The following PPP6R2 variants were observed in gnomAD, a reference collection of about 807,000 sequenced individuals.
The protein encoded by PPP6R2 is protein phosphatase 6 regulatory subunit 2.
Under a neutral mutation model 100.2 loss-of-function variants are expected in PPP6R2, and 62 were observed. The observed-to-expected ratio is 0.62, with a 90% confidence interval of 0.50 to 0.76. The LOEUF is 0.76. Ranked by LOEUF, PPP6R2 falls within the 30% of genes least tolerant of loss-of-function variation. The pLI, the probability that PPP6R2 is intolerant of heterozygous loss-of-function variation, is 0.00. For missense variants in PPP6R2, 1,142 were observed against 1,276.3 expected (o/e 0.89, Z 1.60); for synonymous variants, 525 against 514.7 (o/e 1.02, Z -0.27).
intron 22 of PPP6R2, 91 bp downstream of exon 22, chr22:50,441,117 G>C: frequency 2.6e-6 from 3 of 1,144,880 alleles, no homozygotes; most frequent in Non-Finnish European, 3.6e-6. Context: ...CTGAGAGGAG[G>C]TGAGGCCAGG....
intron 1 of PPP6R2, among the ~76,000 whole-genome samples, chr22:50,346,544 C>T (rs572733052): frequency 7.2e-4 from 96 of 132,566 alleles, no homozygotes; most frequent in Middle Eastern, 7.7e-3. Flanking sequence ...TGTTCCCCCA[C>T]CCTACACCAG....
At chr22:50,422,491 T>C (rs760353804) in intron 9 of PPP6R2, 111 bp downstream of exon 9, 113 of 1,446,254 alleles carry the variant, frequency 7.8e-5, no homozygotes, top group Middle Eastern at 2.4e-4. Context: ...GTGGAGTGAA[T>C]GTGTTCTAAG....
At chr22:50,373,240 CT>C (rs530254249) in intron 2 of PPP6R2, among the ~76,000 whole-genome samples, 2,534 of 126,426 alleles carry the variant, frequency 0.02, 20 homozygotes, top group East Asian at 0.088. Context: ...TAATTTCTTT[CT>C]TTTTTTTTTT....
Position 50,431,385 on chromosome 22 carries a change from G to A in PPP6R2, c.1335+3G>A, listed in dbSNP as rs1246634314. On this transcript the variant is annotated splice_donor_region_variant and intron_variant, in intron 11 of 23. Coordinates refer to ENST00000612753, the MANE Select transcript of PPP6R2 (RefSeq NM_001242898.2). This position sits in a 1 kb window ranked among gnomAD's most constrained non-coding sequence, Gnocchi z 4.8. ...CTGACAACACAATGGTGACCCACGT[G>A]AGTCCAAGAAGCATCCATCTTATCA... 2.5e-6 allele frequency: 4 copies of A among 1,611,164 alleles called. No homozygotes were observed. In the East Asian group the frequency reaches 8.9e-5, roughly 36 times the overall value.
At chr22:50,386,650 C>T (rs1411507740) in intron 2 of PPP6R2, among the ~76,000 whole-genome samples, 1 of 152,166 alleles carries the variant, frequency 6.6e-6, no homozygotes, top group East Asian at 1.9e-4. Flanking sequence ...TTGTGGCTTC[C>T]ACTCGTGGAT....
intron 6 of PPP6R2, among the ~76,000 whole-genome samples, chr22:50,417,292 C>T (rs901331184): frequency 6.6e-6 from 1 of 152,114 alleles, no homozygotes; most frequent in Non-Finnish European, 1.5e-5. Context: ...GCTGAGCTTT[C>T]CCCTCACTCT....
At chr22:50,351,023 AGT>A (rs2045001604) in intron 1 of PPP6R2, among the ~76,000 whole-genome samples, 1 of 102,904 alleles carries the variant, frequency 9.7e-6, no homozygotes, top group Non-Finnish European at 1.8e-5. Context: ...AGGTCTCAAC[AGT>A]GTTTTTTTTT....
chr22:50,444,369 GGTAAAGCTGGCAGTTGAAACCAGTT>G lies in PPP6R2; in HGVS notation c.*124_*148del. On this transcript the variant is annotated 3_prime_UTR_variant, in exon 24 of 24. Coordinates refer to ENST00000612753, the MANE Select transcript of PPP6R2 (RefSeq NM_001242898.2). ...TTAATTTTAAAATAAATGCTGCATT[GGTAAAGCTGGCAGTTGAAACCAGTT>G]GGACGGCCCAGCTTGCGTCTCTTCT... 7.7e-7 allele frequency: 1 copy of G among 1,290,594 alleles called. No homozygotes were observed. 79.9% of individuals were successfully genotyped at this position (1,290,594 alleles called of 1,614,324 possible). A position where few individuals can be genotyped will look rare whatever the true frequency, so the allele number is the denominator to read the frequency against.
intron 4 of PPP6R2, among the ~76,000 whole-genome samples, chr22:50,411,325 A>G (rs1364480235): frequency 6.6e-6 from 1 of 151,806 alleles, no homozygotes; most frequent in African/African-American, 2.4e-5. Context: ...GTGGTGGCAC[A>G]CGCCTGTAAT....
intron 2 of PPP6R2, among the ~76,000 whole-genome samples, chr22:50,390,391 G>T (rs997311714): frequency 1.3e-5 from 2 of 152,164 alleles, no homozygotes; most frequent in African/African-American, 4.8e-5. Flanking sequence ...TCACAAGAAT[G>T]GTGAGATTGG....
At chr22:50,414,396 C>T (rs2060230223) in intron 4 of PPP6R2, among the ~76,000 whole-genome samples, 156 bp from the exon 5 acceptor site, 1 of 142,430 alleles carries the variant, frequency 7.0e-6, no homozygotes, top group East Asian at 2.3e-4. Context: ...CTCTGCCTGT[C>T]CCTTGAGGGG....
chr22:50,395,151 A>G (rs1334332198), intron 3 of PPP6R2, among the ~76,000 whole-genome samples: 1 of 152,216 alleles, frequency 6.6e-6, no homozygotes, highest in Non-Finnish European at 1.5e-5. Context: ...TATCTGACCT[A>G]CAGTCCTGGG....
chr22:50,374,911 C>CAAAAAAAA (rs60035779), intron 2 of PPP6R2, among the ~76,000 whole-genome samples: 1 of 80,964 alleles, frequency 1.2e-5, no homozygotes, highest in Non-Finnish European at 2.4e-5. Context: ...GACTCTGTCT[C>CAAAAAAAA]AAAAAAAAAA....
intron 12 of PPP6R2, 100 bp downstream of exon 12, chr22:50,432,429 G>T: frequency 8.5e-7 from 1 of 1,182,574 alleles, no homozygotes; most frequent in South Asian, 1.3e-5. Context: ...AGGACTGCAG[G>T]ATCGGGTGGA....
At chr22:50,347,232 AG>A (rs1412597676) in intron 1 of PPP6R2, among the ~76,000 whole-genome samples, 1 of 151,522 alleles carries the variant, frequency 6.6e-6, no homozygotes, top group Non-Finnish European at 1.5e-5. Context: ...GGGACCCATT[AG>A]TACCCTGCCC....
chr22:50,416,217 C>A, intron 6 of PPP6R2, 60 bp downstream of exon 6: 1 of 1,478,294 alleles, frequency 6.8e-7, no homozygotes, highest in Non-Finnish European at 9.4e-7. Context: ...CCAGGTCACC[C>A]ACTGCTGCGG....
At chr22:50,369,525 CCTTTT>C (rs2049519565) in intron 1 of PPP6R2, among the ~76,000 whole-genome samples, 1 of 151,868 alleles carries the variant, frequency 6.6e-6, no homozygotes, top group Non-Finnish European at 1.5e-5. Context: ...CTCACTGCAG[CCTTTT>C]ATTTTATTTT....
chr22:50,441,771 G>A (rs1477019438), intron 22 of PPP6R2, among the ~76,000 whole-genome samples: 3 of 152,132 alleles, frequency 2.0e-5, no homozygotes, highest in Non-Finnish European at 2.9e-5. Context: ...CCGTCCCCAG[G>A]GCCACAGGAA....
At chr22:50,357,859 C>T (rs1369540785) in intron 1 of PPP6R2, among the ~76,000 whole-genome samples, 1 of 152,032 alleles carries the variant, frequency 6.6e-6, no homozygotes, top group African/African-American at 2.4e-5. Context: ...CTCCTGACCT[C>T]GTGATTCGTC....
Sources: allele counts gnomAD v4.1 joint callset (sites outside exome capture counted in the v4.1 genomes callset), GRCh38; gene constraint gnomAD v4.1.1; non-coding constraint Gnocchi (gnomAD v3.1); transcripts MANE v1.5; gene names NCBI Gene and HGNC (gene_info 2026-07-23, HGNC 2026-07-21).